The following GPC3 variants were observed in gnomAD, a reference collection of about 807,000 sequenced individuals.
GPC3 encodes glypican 3.
In GPC3, 3 loss-of-function variants were observed where a neutral mutation model predicts 34.4. The ratio of observed to expected loss-of-function variants is 0.09; its 90% CI spans 0.04 to 0.23. The LOEUF is 0.23. GPC3 is among the 10% of genes least tolerant of loss of function. The pLI, the probability that GPC3 is intolerant of heterozygous loss-of-function variation, is 1.00. For missense variants in GPC3, 351 were observed against 445.6 expected, an observed-to-expected ratio of 0.79 and a Z score of 1.91; for synonymous variants, 177 against 174.0, an observed-to-expected ratio of 1.02 and a Z score of -0.13.
chrX:133,629,485 C>T (rs2267499), intron 6 of GPC3, among the ~76,000 whole-genome samples: 36,971 of 109,716 alleles, frequency 0.34, 8,472 homozygotes, highest in African/African-American at 0.82. Context: ...AACCTCCACC[C>T]CCCAGGTTCA....
At chrX:133,796,315 C>A (rs1395974652) in intron 2 of GPC3, among the ~76,000 whole-genome samples, 2 of 111,780 alleles carry the variant, frequency 1.8e-5, no homozygotes, top group Non-Finnish European at 3.8e-5. Context: ...CAAAATCAAC[C>A]CTATGCTGAT....
chrX:133,692,296 T>C (rs2071071697), intron 5 of GPC3, 73 bp downstream of exon 5: 8 of 1,045,997 alleles, frequency 7.6e-6, no homozygotes, highest in African/African-American at 7.3e-5. Context: ...ATAGAAGACA[T>C]AATTAACTTT....
At chrX:133,681,631 C>G (rs1443585397) in intron 5 of GPC3, among the ~76,000 whole-genome samples, 1 of 111,992 alleles carries the variant, frequency 8.9e-6, no homozygotes, top group Non-Finnish European at 1.9e-5. Flanking sequence ...AAAACCACCA[C>G]CACAATCCAA....
At chrX:133,806,130 T>C (rs1191909432) in intron 2 of GPC3, among the ~76,000 whole-genome samples, 1 of 112,151 alleles carries the variant, frequency 8.9e-6, no homozygotes, top group Non-Finnish European at 1.9e-5. Flanking sequence ...ATACCTGTGG[T>C]GCTCTATGCT....
intron 6 of GPC3, among the ~76,000 whole-genome samples, chrX:133,604,038 T>C (rs2070017960): frequency 9.0e-6 from 1 of 111,543 alleles, no homozygotes. Flanking sequence ...AGCCACACAC[T>C]GTGCTGGGGT....
chrX:133,581,555 C>A (rs2069731008), intron 7 of GPC3, among the ~76,000 whole-genome samples: 1 of 112,432 alleles, frequency 8.9e-6, no homozygotes, highest in African/African-American at 3.2e-5. Context: ...CAGCACCTTA[C>A]AATTTACAGA....
chrX:133,888,090 C>A (rs1400344066), intron 2 of GPC3, among the ~76,000 whole-genome samples: 1 of 109,820 alleles, frequency 9.1e-6, no homozygotes, highest in African/African-American at 3.3e-5. Context: ...CACCCCACGA[C>A]AGGCCCCAGT....
At chrX:133,725,061 T>A (rs1237889194) in intron 3 of GPC3, among the ~76,000 whole-genome samples, 3 of 111,486 alleles carry the variant, frequency 2.7e-5, no homozygotes, top group Admixed American at 9.5e-5. Context: ...GATTTGAGGG[T>A]CAGTAAAGCA....
At chrX:133,797,151 T>C (rs907679180) in intron 2 of GPC3, among the ~76,000 whole-genome samples, 2 of 110,369 alleles carry the variant, frequency 1.8e-5, no homozygotes, top group Non-Finnish European at 3.8e-5. Flanking sequence ...GCTGTTACAG[T>C]CCTACCCCCA....
chrX:133,672,902 G>A (rs2070844837), intron 5 of GPC3, among the ~76,000 whole-genome samples: 1 of 107,223 alleles, frequency 9.3e-6, no homozygotes, highest in Non-Finnish European at 1.9e-5. Flanking sequence ...CGCCTGCCTC[G>A]GCCTCCCAAA....
chrX:133,623,256 C>T (rs959241487), intron 6 of GPC3, among the ~76,000 whole-genome samples: 6 of 111,819 alleles, frequency 5.4e-5, no homozygotes, highest in South Asian at 7.5e-4. Context: ...CATCAACTAA[C>T]GAGCAAAATA....
intron 1 of GPC3, among the ~76,000 whole-genome samples, chrX:133,971,036 T>C (rs899375236): frequency 1.6e-4 from 18 of 112,361 alleles, no homozygotes; most frequent in Admixed American, 1.9e-4. Flanking sequence ...CAGGTTATAA[T>C]TTGGTTAGCT....
chrX:133,869,274 C>T (rs921011075), intron 2 of GPC3, among the ~76,000 whole-genome samples: 5 of 111,910 alleles, frequency 4.5e-5, no homozygotes, highest in Non-Finnish European at 9.4e-5. Context: ...ATGTTGCTCA[C>T]AAAAAGAGTC....
At chrX:133,900,250 A>G (rs138799073) in intron 2 of GPC3, among the ~76,000 whole-genome samples, 3,011 of 112,697 alleles carry the variant, frequency 0.027, 43 homozygotes, top group Middle Eastern at 0.055. Flanking sequence ...GGGAAACTTC[A>G]ATATTTGAAT....
intron 3 of GPC3, among the ~76,000 whole-genome samples, chrX:133,735,220 A>G (rs2071498933): frequency 8.9e-6 from 1 of 111,880 alleles, no homozygotes; most frequent in African/African-American, 3.2e-5. Context: ...AACTTGCTAC[A>G]AAGTATTCAA....
chrX:133,880,932 C>T (rs1022350577), intron 2 of GPC3, among the ~76,000 whole-genome samples: 1 of 111,899 alleles, frequency 8.9e-6, no homozygotes, highest in Non-Finnish European at 1.9e-5. Context: ...TTGCTATCTT[C>T]TAAACATAGC....
intron 1 of GPC3, among the ~76,000 whole-genome samples, chrX:133,972,047 A>C (rs1450954985): frequency 9.0e-6 from 1 of 111,721 alleles, no homozygotes; most frequent in Non-Finnish European, 1.9e-5. Flanking sequence ...AGGCAACCTT[A>C]CACTCTCAAA....
intron 2 of GPC3, among the ~76,000 whole-genome samples, chrX:133,948,101 T>C (rs1424485416): frequency 9.0e-6 from 1 of 110,833 alleles, no homozygotes; most frequent in Admixed American, 9.7e-5. Context: ...CAGTACTCAC[T>C]TAAAACCCCC....
chrX:133,939,190 A>G (rs892853331), intron 2 of GPC3, among the ~76,000 whole-genome samples: 2 of 111,849 alleles, frequency 1.8e-5, no homozygotes, highest in African/African-American at 3.2e-5. Context: ...AAGTCAAGAC[A>G]CTGTCTAAAT....
Sources: gnomAD v4.1 joint callset for allele counts (sites outside exome capture counted in the v4.1 genomes callset) on GRCh38, gnomAD v4.1.1 for gene constraint, MANE v1.5 for transcripts, NCBI Gene and HGNC (gene_info 2026-07-23, HGNC 2026-07-21) for gene names.